POLR2F: variants seen among roughly 807,000 people sequenced by gnomAD.
POLR2F encodes the protein RNA polymerase II, I and III subunit F, also known as DNA-directed RNA polymerases I, II, and III subunit RPABC2.
In POLR2F, 12 loss-of-function variants were observed where a neutral mutation model predicts 22.7. That is an observed-to-expected ratio of 0.53 (90% confidence interval 0.34 to 0.86). The LOEUF (loss-of-function observed/expected upper bound fraction) is 0.86, where lower values mean the gene tolerates loss of function less well. Ranked by LOEUF, POLR2F falls within the 40% of genes least tolerant of loss-of-function variation. The probability of loss-of-function intolerance (pLI) is 0.02; values close to 1 mark genes in which losing one functional copy is unlikely to be tolerated. For synonymous variants in POLR2F, 57 were observed against 66.0 expected (o/e 0.86, Z 0.66); for missense variants, 126 against 171.5 (o/e 0.73, Z 1.48).
intron 3 of POLR2F, among the ~76,000 whole-genome samples, chr22:37,964,478 G>A (rs539594109): frequency 6.6e-6 from 1 of 152,250 alleles, no homozygotes; most frequent in East Asian, 1.9e-4. Context: ...CATTTGGTGG[G>A]CAGTGTGCAG....
intron 1 of POLR2F, among the ~76,000 whole-genome samples, chr22:38,020,238 C>T (rs1275037254): frequency 2.0e-5 from 3 of 149,230 alleles, no homozygotes; most frequent in African/African-American, 7.5e-5. Context: ...CACACACATA[C>T]ATATATATAT....
intron 3 of POLR2F, among the ~76,000 whole-genome samples, chr22:37,964,202 G>A (rs140192051): frequency 3.9e-5 from 6 of 152,246 alleles, no homozygotes; most frequent in African/African-American, 9.6e-5. Context: ...ACCCAAGGCA[G>A]ATGCGAGTGG....
downstream of POLR2F, among the ~76,000 whole-genome samples, chr22:38,026,878 T>C (rs1413644479): frequency 4.8e-5 from 7 of 144,602 alleles, no homozygotes; most frequent in African/African-American, 1.8e-4. Flanking sequence ...CCCAGTCTCC[T>C]ACCCCGGCTG....
downstream of POLR2F, among the ~76,000 whole-genome samples, chr22:38,029,123 C>T (rs937590571): frequency 7.9e-5 from 12 of 151,740 alleles, no homozygotes; most frequent in African/African-American, 1.5e-4. Context: ...TGAAGGCAGC[C>T]GAGGAAGGGG....
chr22:38,039,643 C>G (rs2085152423), intron 5 of POLR2F, among the ~76,000 whole-genome samples: 1 of 152,232 alleles, frequency 6.6e-6, no homozygotes, highest in African/African-American at 2.4e-5. Flanking sequence ...CCTTCCACCC[C>G]TGCACCAGCC....
Position 37,967,683 on chromosome 22 carries a change from T to A in POLR2F, c.352T>A (p.Trp118Arg). 6.2e-7 allele frequency: 1 copy of A among 1,613,856 alleles called. No homozygotes were observed. Among genetic ancestry groups the A allele is most frequent in the South Asian group, 1.1e-5 (1 of 91,066 alleles). Residue 118 changes from tryptophan to arginine, a missense_variant, in exon 5 of 5, where the codon TGG (tryptophan) becomes AGG (arginine). By Grantham distance (101) the Trp-to-Arg change is moderately radical. Coordinates refer to ENST00000442738, the MANE Select transcript of POLR2F (RefSeq NM_021974.5). ...RYLPDGSYED[W>R]GVDELIITD ...CCTGCCAGATGGGAGCTATGAAGAC[T>A]GGGGGGTGGACGAGCTCATCATCAC...
At chr22:37,966,928 C>T (rs1189272278) in intron 3 of POLR2F, among the ~76,000 whole-genome samples, 171 bp from the exon 4 acceptor site, 3 of 152,170 alleles carry the variant, frequency 2.0e-5, no homozygotes, top group African/African-American at 4.8e-5. Context: ...TGATAGGCCT[C>T]TGCCAGGGAA....
rs756163344 is a variant in POLR2F, at chr22:37,978,925, C to T, written c.293+11755C>T. Among the ~76,000 whole-genome samples, 13 of 152,056 alleles carry T rather than the reference C, an allele frequency of 8.5e-5. No individual in the cohort carries two copies. The highest frequency in any genetic ancestry group is 4.2e-4 in the South Asian group (2 of 4,812). On this transcript the variant is annotated intron_variant, in intron 4 of 4. Coordinates refer to the POLR2F transcript ENST00000405557. This position sits in a 1 kb window ranked among gnomAD's most constrained non-coding sequence, Gnocchi z 5.0. Reference sequence around the variant, plus strand: ...CCAAGTAGCTGGGATTACAAGCATGCGCCACCACGCCCGGTTAATTTTTGT... The same window carrying T: ...CCAAGTAGCTGGGATTACAAGCATGTGCCACCACGCCCGGTTAATTTTTGT...
chr22:37,967,803 C>A lies in POLR2F; in HGVS notation c.*88C>A. On this transcript the variant is annotated 3_prime_UTR_variant, in exon 5 of 5. Transcript: ENST00000442738. ...ATAATAAAATATTCAACTTTCCAAC[C>A]CCCTTCCCCTCTGCTTATCTGCAAT... 1 of 1,508,940 alleles carries A rather than the reference C, an allele frequency of 6.6e-7. No individual in the cohort carries two copies. The allele number at this position is 1,508,940 out of a possible 1,614,324, so 93.5% of individuals were successfully genotyped here.
intron 5 of POLR2F, among the ~76,000 whole-genome samples, chr22:38,035,160 T>C (rs1398612491): frequency 6.6e-6 from 1 of 152,198 alleles, no homozygotes; most frequent in Admixed American, 6.5e-5. Context: ...TGTCTCTCTC[T>C]CTCGGTCTCA....
upstream of POLR2F, among the ~76,000 whole-genome samples, chr22:37,984,754 GGGC>G (rs1034110055): frequency 8.5e-5 from 13 of 152,172 alleles, no homozygotes; most frequent in Admixed American, 7.2e-4. The surrounding 1 kb of genome is among the most constrained non-coding windows in gnomAD (Gnocchi z 4.4). Context: ...GGCTTATCTT[GGGC>G]TTAGTCTGGG....
At position 37,986,261 on chromosome 22, in the gene POLR2F, A is replaced by ACACCCGCTGCTGCC; in HGVS notation, c.71_84dup (p.Cys33AlafsTer69). 1.9e-6 allele frequency: 3 copies of ACACCCGCTGCTGCC among 1,539,152 alleles called. No homozygotes were observed. Among genetic ancestry groups the ACACCCGCTGCTGCC allele is most frequent in the Non-Finnish European group, 2.6e-6 (3 of 1,146,882 alleles). The stretch of plus-strand genomic sequence containing the variant: ...CCCGGCTGCCCTGCAGTCGCCTCCA[A>ACACCCGCTGCTGCC]CACCCGCTGCTGCCCGCCCGCTGCC... On this transcript the variant is annotated frameshift_variant, in exon 1 of 3. Transcript: ENST00000333418. LOFTEE classifies it high-confidence loss of function. The surrounding 1 kb of genome is among the most constrained non-coding windows in gnomAD (Gnocchi z 4.7).
At chr22:38,033,543 CAGAGCCTCGCCAAGG>C (rs2085086181) in intron 5 of POLR2F, among the ~76,000 whole-genome samples, 1 of 152,206 alleles carries the variant, frequency 6.6e-6, no homozygotes, top group South Asian at 2.1e-4. Flanking sequence ...CCAGTGCCCA[CAGAGCCTCGCCAAGG>C]CAAGCCCTGC....
At chr22:38,009,375 A>G (rs1260180684) in intron 1 of POLR2F, among the ~76,000 whole-genome samples, 2 of 152,166 alleles carry the variant, frequency 1.3e-5, no homozygotes, top group Non-Finnish European at 2.9e-5. Flanking sequence ...CCCCTGAGGT[A>G]TTTCAGAGGA....
At chr22:38,033,641 C>A (rs956117821) in intron 5 of POLR2F, among the ~76,000 whole-genome samples, 1 of 152,226 alleles carries the variant, frequency 6.6e-6, no homozygotes, top group Non-Finnish European at 1.5e-5. Flanking sequence ...GATCTGGCCC[C>A]GGCGGAGCGG....
At chr22:37,967,570 C>T (rs775291551) in intron 4 of POLR2F, 55 bp from the exon 5 acceptor site, 25 of 1,599,776 alleles carry the variant, frequency 1.6e-5, no homozygotes, top group Admixed American at 8.6e-5. Flanking sequence ...GTTCCTTCTG[C>T]GGCAGAGCTG....
chr22:37,973,759 G>A, downstream of POLR2F: 1 of 1,598,228 alleles, frequency 6.3e-7, no homozygotes, highest in East Asian at 2.2e-5. Flanking sequence ...GGGAGGTGTA[G>A]GCGATCTGTG....
rs986500112 is a variant in POLR2F at position 37,997,666 on chromosome 22, G to A, written c.120+11354G>A. 5.9e-5 allele frequency among the ~76,000 whole-genome samples: 9 copies of A among 152,006 alleles called. No individual in the cohort carries two copies. The highest frequency in any genetic ancestry group is 2.0e-4 in the Admixed American group (3 of 15,266). On this transcript the variant is annotated intron_variant, in intron 1 of 2. Transcript: ENST00000333418. The surrounding 1 kb of genome is among the most constrained non-coding windows in gnomAD (Gnocchi z 4.4). ...CCAGCCTACCTTCCCCAGGACACCCGGCTCTGTCCCCTGCATGCCCTGGGT... is the reference window on the plus strand; with the variant it reads ...CCAGCCTACCTTCCCCAGGACACCCAGCTCTGTCCCCTGCATGCCCTGGGT...
intron 1 of POLR2F, among the ~76,000 whole-genome samples, chr22:38,001,036 C>G (rs1418637368): frequency 1.3e-5 from 2 of 152,036 alleles, no homozygotes; most frequent in African/African-American, 4.8e-5. Flanking sequence ...GGAAAAGGAG[C>G]AAGTAAGGAG....
Sources: allele counts gnomAD v4.1 joint callset (sites outside exome capture counted in the v4.1 genomes callset), GRCh38; gene constraint gnomAD v4.1.1; non-coding constraint Gnocchi (gnomAD v3.1); transcripts MANE v1.5; gene names NCBI Gene and HGNC (gene_info 2026-07-23, HGNC 2026-07-21).